Variants in GSDMC observed in about 807,000 individuals in gnomAD.
GSDMC encodes gasdermin-C.
In GSDMC, 59 loss-of-function variants were observed where a neutral mutation model predicts 58.0. The ratio of observed to expected loss-of-function variants is 1.02; its 90% confidence interval spans 0.82 to 1.26. The LOEUF (loss-of-function observed/expected upper bound fraction) is 1.26. GSDMC is among the 50% of genes most tolerant of loss of function. GSDMC has a pLI of 0.00. For missense variants in GSDMC, 659 were observed against 598.5 expected, an observed-to-expected ratio of 1.10 and a Z score of -1.06; for synonymous variants, 241 against 220.2, an observed-to-expected ratio of 1.09 and a Z score of -0.83.
intron 3 of GSDMC, 79 bp from the exon 4 acceptor site, chr8:129,765,872 C>T (rs1240780446): frequency 8.2e-7 from 1 of 1,222,234 alleles, no homozygotes; most frequent in African/African-American, 1.5e-5. Flanking sequence ...GCCCTTCTCC[C>T]CAAGACCTGG....
downstream of GSDMC, among the ~76,000 whole-genome samples, chr8:129,747,507 T>C (rs1340070296): frequency 6.6e-6 from 1 of 152,194 alleles, no homozygotes; most frequent in Non-Finnish European, 1.5e-5. Flanking sequence ...AGTCACTTCA[T>C]TATTGTCATG....
At chr8:129,765,913 G>T (rs1301214268) in intron 3 of GSDMC, 120 bp from the exon 4 acceptor site, 3 of 687,948 alleles carry the variant, frequency 4.4e-6, no homozygotes, top group Non-Finnish European at 7.3e-6. Flanking sequence ...ACCCTGACAG[G>T]TAAGTCACCA....
chr8:129,712,728 C>A, the GSDMC span, among the ~76,000 whole-genome samples: 1 of 152,164 alleles, frequency 6.6e-6, no homozygotes, highest in Non-Finnish European at 1.5e-5. Context: ...ATCCCAGTTA[C>A]CAGATAACTG....
the GSDMC span, among the ~76,000 whole-genome samples, chr8:129,728,421 A>G: frequency 6.6e-6 from 1 of 152,168 alleles, no homozygotes; most frequent in African/African-American, 2.4e-5. Context: ...ATCACCATAC[A>G]GAGAATAGGG....
chr8:129,767,554 G>A (rs2033907090), intron 3 of GSDMC, among the ~76,000 whole-genome samples: 1 of 144,156 alleles, frequency 6.9e-6, no homozygotes, highest in South Asian at 2.1e-4. Context: ...GGCTCTGTGG[G>A]ACACAGGCTA....
chr8:129,730,882 G>A, the GSDMC span, among the ~76,000 whole-genome samples: 3 of 152,152 alleles, frequency 2.0e-5, no homozygotes, highest in African/African-American at 7.2e-5. Flanking sequence ...ATAAGCTGGT[G>A]ACCATCTGTA....
intron 6 of GSDMC, among the ~76,000 whole-genome samples, chr8:129,758,783 A>C (rs1217152092): frequency 6.6e-6 from 1 of 152,184 alleles, no homozygotes; most frequent in Non-Finnish European, 1.5e-5. Context: ...TAAAATGTCT[A>C]TACTCCCCAA....
intron 2 of GSDMC, among the ~76,000 whole-genome samples, chr8:129,776,595 C>T (rs968649925): frequency 2.0e-5 from 3 of 152,222 alleles, no homozygotes; most frequent in Non-Finnish European, 2.9e-5. Context: ...ACACTGTCTC[C>T]TCTGCAGCAG....
the GSDMC span, chr8:129,730,075 T>C: frequency 2.8e-6 from 3 of 1,070,534 alleles, no homozygotes; most frequent in Admixed American, 2.6e-5. Context: ...AAGATTTTTC[T>C]ATTAAAACTT....
the GSDMC span, among the ~76,000 whole-genome samples, chr8:129,738,754 T>C: frequency 6.6e-6 from 1 of 152,158 alleles, no homozygotes; most frequent in African/African-American, 2.4e-5. Context: ...TGTATACCTA[T>C]GTAACAAACC....
chr8:129,736,589 C>T, the GSDMC span, among the ~76,000 whole-genome samples: 1 of 152,176 alleles, frequency 6.6e-6, no homozygotes, highest in African/African-American at 2.4e-5. Flanking sequence ...AATTCAACAG[C>T]CCATCATGCT....
chr8:129,763,761 G>T (rs2033756951), intron 4 of GSDMC, among the ~76,000 whole-genome samples: 1 of 152,002 alleles, frequency 6.6e-6, no homozygotes, highest in Non-Finnish European at 1.5e-5. Context: ...TTTATATTTT[G>T]TAGAGACAAG....
chr8:129,714,956 T>C, the GSDMC span, among the ~76,000 whole-genome samples: 16 of 152,224 alleles, frequency 1.1e-4, no homozygotes, highest in African/African-American at 1.9e-4. Context: ...TCCAATGTAA[T>C]AGACATAATA....
intron 3 of GSDMC, 137 bp downstream of exon 3, chr8:129,775,965 G>A: frequency 1.5e-6 from 1 of 656,776 alleles, no homozygotes; most frequent in East Asian, 2.7e-5. Context: ...GAATACTCAA[G>A]AAGAGTAGCA....
the GSDMC span, among the ~76,000 whole-genome samples, chr8:129,719,920 G>T: frequency 2.0e-5 from 3 of 152,110 alleles, no homozygotes; most frequent in Admixed American, 2.0e-4. Context: ...ACTCCAGCCT[G>T]GGCAACAGAG....
the GSDMC span, among the ~76,000 whole-genome samples, chr8:129,705,970 T>C: frequency 6.6e-6 from 1 of 152,208 alleles, no homozygotes; most frequent in Non-Finnish European, 1.5e-5. Flanking sequence ...TCAATCAATA[T>C]ATTCATATGG....
the GSDMC span, among the ~76,000 whole-genome samples, chr8:129,717,036 T>C: frequency 6.6e-6 from 1 of 152,134 alleles, no homozygotes; most frequent in African/African-American, 2.4e-5. Context: ...TTATTAAGGA[T>C]TTTTGCATTG....
At chr8:129,711,043 T>TG in the GSDMC span, among the ~76,000 whole-genome samples, 2 of 152,354 alleles carry the variant, frequency 1.3e-5, no homozygotes, top group South Asian at 2.1e-4. Context: ...CGGATGCCTT[T>TG]GCTGAAACCC....
the GSDMC span, among the ~76,000 whole-genome samples, chr8:129,713,611 C>A: frequency 6.6e-6 from 1 of 152,148 alleles, no homozygotes; most frequent in African/African-American, 2.4e-5. Flanking sequence ...GAGACAAGAA[C>A]AAGGATCCAA....
Sources: gnomAD v4.1 joint callset for allele counts (sites outside exome capture counted in the v4.1 genomes callset) on GRCh38, gnomAD v4.1.1 for gene constraint, MANE v1.5 for transcripts, NCBI Gene and HGNC (gene_info 2026-07-23, HGNC 2026-07-21) for gene names.